CCSER1: variants seen among roughly 807,000 people sequenced by gnomAD.
CCSER1 encodes serine-rich coiled-coil domain-containing protein 1.
In CCSER1, 41 loss-of-function variants were observed where a neutral mutation model predicts 82.0. That is an observed-to-expected ratio of 0.50 (90% CI 0.39 to 0.65). CCSER1 has a LOEUF of 0.65. CCSER1 is among the 30% of genes least tolerant of loss of function. CCSER1 has a pLI of 0.00. For missense variants in CCSER1, 1,119 were observed against 1,064.2 expected (o/e 1.05, Z -0.72); for synonymous variants, 414 against 383.9 (o/e 1.08, Z -0.92).
intron 10 of CCSER1, among the ~76,000 whole-genome samples, chr4:91,380,700 G>T (rs535213816): frequency 2.6e-5 from 4 of 151,972 alleles, no homozygotes; most frequent in African/African-American, 7.2e-5. Context: ...CTCTTTATCT[G>T]ATTTGCCAGT....
rs577554315 is a variant in CCSER1, at chr4:91,602,632, T to G, written c.*3575T>G. On this transcript the variant is annotated 3_prime_UTR_variant, in exon 11 of 11. Transcript: ENST00000509176. ...TAATTATAATCTAAATTTTTACTAC[T>G]TTTTCACTTTCAGAACTTAACATTC... Among the ~76,000 whole-genome samples the G allele has an allele frequency of 1.3e-5, 2 of 152,156 alleles. No homozygotes were observed. The highest frequency in any genetic ancestry group is 1.9e-4 in the East Asian group (1 of 5,186).
At chr4:90,400,661 T>G (rs954332100) in intron 4 of CCSER1, among the ~76,000 whole-genome samples, 1 of 152,234 alleles carries the variant, frequency 6.6e-6, no homozygotes, top group South Asian at 2.1e-4. Flanking sequence ...AGGAGGTAAA[T>G]AAGTTTTTGT....
chr4:91,472,510 A>G (rs528338126), intron 10 of CCSER1, among the ~76,000 whole-genome samples: 2 of 152,224 alleles, frequency 1.3e-5, no homozygotes, highest in Non-Finnish European at 2.9e-5. Context: ...TTATCTTTCC[A>G]AAAGCTACTT....
chr4:90,621,516 T>C (rs1017190603), intron 5 of CCSER1, among the ~76,000 whole-genome samples: 1 of 151,954 alleles, frequency 6.6e-6, no homozygotes, highest in Non-Finnish European at 1.5e-5. Flanking sequence ...AGACTTGCCA[T>C]TTGTTTTTTT....
At chr4:90,489,083 A>G (rs954868992) in intron 5 of CCSER1, among the ~76,000 whole-genome samples, 1 of 152,184 alleles carries the variant, frequency 6.6e-6, no homozygotes, top group African/African-American at 2.4e-5. Flanking sequence ...AATTAATACT[A>G]TGGGTAGACA....
At chr4:91,536,901 T>A (rs1334544176) in intron 10 of CCSER1, among the ~76,000 whole-genome samples, 1 of 152,058 alleles carries the variant, frequency 6.6e-6, no homozygotes, top group Non-Finnish European at 1.5e-5. Context: ...GATTTCAGGA[T>A]TTTGTCCTGG....
intron 10 of CCSER1, among the ~76,000 whole-genome samples, chr4:91,456,957 G>A (rs981153705): frequency 2.6e-5 from 4 of 151,958 alleles, no homozygotes; most frequent in Non-Finnish European, 5.9e-5. Context: ...TCATATACCT[G>A]TATCATAATC....
chr4:91,192,706 C>T (rs1735104860), intron 10 of CCSER1, among the ~76,000 whole-genome samples: 1 of 151,980 alleles, frequency 6.6e-6, no homozygotes, highest in African/African-American at 2.4e-5. Context: ...TTCTTTTAAT[C>T]CATTTATTTT....
rs1205192312 is a variant in CCSER1, at chr4:90,467,560, G to A, written c.1604-674G>A. Among the ~76,000 whole-genome samples, 7 of 152,144 alleles carry A rather than the reference G, an allele frequency of 4.6e-5. No homozygotes were observed. In the East Asian group the frequency reaches 1.2e-3, roughly 25 times the overall value. ...TTAGCTGACACGGTGGCGGGCGCCTGTAATCCTAGCTACTCGGGAGGCTGA... is the reference window on the plus strand; with the variant it reads ...TTAGCTGACACGGTGGCGGGCGCCTATAATCCTAGCTACTCGGGAGGCTGA... On this transcript the variant is annotated intron_variant, in intron 4 of 10. Transcript: ENST00000509176.
chr4:90,963,314 T>A (rs1734224986), intron 9 of CCSER1, among the ~76,000 whole-genome samples: 1 of 151,900 alleles, frequency 6.6e-6, no homozygotes, highest in Admixed American at 6.6e-5. Flanking sequence ...AACAGCAGAG[T>A]CTATGAATTA....
intron 7 of CCSER1, among the ~76,000 whole-genome samples, chr4:90,743,268 G>T (rs1746853566): frequency 6.6e-6 from 1 of 151,672 alleles, no homozygotes; most frequent in South Asian, 2.1e-4. Flanking sequence ...ACAGAAATTA[G>T]AAGGTAAACA....
intron 10 of CCSER1, among the ~76,000 whole-genome samples, chr4:91,369,836 ATT>A (rs11309502): frequency 4.8e-4 from 69 of 145,084 alleles, no homozygotes; most frequent in East Asian, 2.3e-3. Flanking sequence ...CGCCTAGCTA[ATT>A]TTTTTTTTTT....
At chr4:90,331,834 A>G (rs917053367) in intron 3 of CCSER1, among the ~76,000 whole-genome samples, 3 of 149,380 alleles carry the variant, frequency 2.0e-5, no homozygotes, top group Non-Finnish European at 4.5e-5. Flanking sequence ...TTTTTTTTTT[A>G]AACTTTGAAA....
chr4:90,811,880 T>C (rs1758346867), intron 7 of CCSER1, among the ~76,000 whole-genome samples: 1 of 149,570 alleles, frequency 6.7e-6, no homozygotes, highest in Non-Finnish European at 1.5e-5. Flanking sequence ...CAGGGTTCTT[T>C]AGAGTGACAG....
intron 10 of CCSER1, among the ~76,000 whole-genome samples, chr4:91,360,952 T>C (rs1206694308): frequency 6.6e-6 from 1 of 151,892 alleles, no homozygotes; most frequent in Non-Finnish European, 1.5e-5. Flanking sequence ...AGTGTAGTTA[T>C]GTGAACTCCT....
chr4:91,527,331 T>C (rs1760815327), intron 10 of CCSER1, among the ~76,000 whole-genome samples: 1 of 152,144 alleles, frequency 6.6e-6, no homozygotes, highest in African/African-American at 2.4e-5. Context: ...TTGAATGCTA[T>C]GCTAAAACAA....
At chr4:91,082,459 A>G (rs1199159745) in intron 9 of CCSER1, among the ~76,000 whole-genome samples, 2 of 152,228 alleles carry the variant, frequency 1.3e-5, no homozygotes, top group East Asian at 1.9e-4. Flanking sequence ...TTAAAACCCT[A>G]GAAGAAAACC....
At chr4:91,054,532 G>C (rs1743275592) in intron 9 of CCSER1, among the ~76,000 whole-genome samples, 1 of 151,662 alleles carries the variant, frequency 6.6e-6, no homozygotes, top group Admixed American at 6.6e-5. Flanking sequence ...AGTCACCCTT[G>C]CTCTCTTTTG....
intron 6 of CCSER1, among the ~76,000 whole-genome samples, chr4:90,708,475 T>C (rs17183653): frequency 0.18 from 28,023 of 152,062 alleles, 3,263 homozygotes; most frequent in South Asian, 0.27. Flanking sequence ...GTAACACTAG[T>C]AGAGCTTCTG....
Sources: gnomAD v4.1 joint callset for allele counts (sites outside exome capture counted in the v4.1 genomes callset) on GRCh38, gnomAD v4.1.1 for gene constraint, MANE v1.5 for transcripts, NCBI Gene and HGNC (gene_info 2026-07-23, HGNC 2026-07-21) for gene names.